Variants in TCAIM observed in about 807,000 individuals in gnomAD.
TCAIM encodes T-cell activation inhibitor, mitochondrial.
TCAIM carries 36 observed loss-of-function variants against 58.6 expected under a neutral mutation model. That is an observed-to-expected ratio of 0.61 (90% CI 0.47 to 0.81). TCAIM has a LOEUF of 0.81. Ranked by LOEUF, TCAIM falls within the 30% of genes least tolerant of loss-of-function variation. TCAIM has a pLI of 0.00. For missense variants in TCAIM, 466 were observed against 579.6 expected (o/e 0.80, Z 2.01); for synonymous variants, 172 against 193.6 (o/e 0.89, Z 0.93).
intron 5 of TCAIM, among the ~76,000 whole-genome samples, chr3:44,371,917 AT>A (rs368832670): frequency 2.6e-5 from 4 of 151,780 alleles, no homozygotes; most frequent in Non-Finnish European, 5.9e-5. Flanking sequence ...TCTTACACGG[AT>A]TTTTTTTCAA....
Position 44,396,310 on chromosome 3 carries a change from G to T in TCAIM, c.696-90G>T, listed in dbSNP as rs1179316313. On this transcript the variant is annotated intron_variant, in intron 6 of 10. Coordinates refer to ENST00000342649, the MANE Select transcript of TCAIM (RefSeq NM_173826.4). ...GTGTGCTTCAAAAAGAGACTCATTG[G>T]CTTTCCAAGGACTCCAGTAGTTGTG... 4 of 1,024,724 alleles carry T rather than the reference G, an allele frequency of 3.9e-6. No individual in the cohort carries two copies. In the South Asian group the frequency reaches 4.8e-5, roughly 12 times the overall value. 63.5% of individuals were successfully genotyped at this position (1,024,724 alleles called of 1,614,324 possible). A position where few individuals can be genotyped will look rare whatever the true frequency, so the allele number is the denominator to read the frequency against.
intron 5 of TCAIM, among the ~76,000 whole-genome samples, chr3:44,379,312 G>T (rs1309821382): frequency 2.0e-5 from 3 of 152,164 alleles, no homozygotes; most frequent in Non-Finnish European, 4.4e-5. Flanking sequence ...AAGTAGTGTG[G>T]CAATTCCTCA....
At chr3:44,386,641 C>T (rs78607461) in intron 5 of TCAIM, among the ~76,000 whole-genome samples, 3,112 of 152,358 alleles carry the variant, frequency 0.02, 62 homozygotes, top group South Asian at 0.059. Flanking sequence ...AAGTGCAGAG[C>T]AAATTTGTGG....
intron 1 of TCAIM, chr3:44,340,928 T>G (rs1045199443): frequency 1.3e-5 from 2 of 152,194 alleles, no homozygotes; most frequent in African/African-American, 4.8e-5. Flanking sequence ...CAGAGCCCAT[T>G]CTTGAAGAGC....
chr3:44,360,523 A>G (rs1701278990), intron 3 of TCAIM, among the ~76,000 whole-genome samples: 2 of 152,050 alleles, frequency 1.3e-5, no homozygotes, highest in South Asian at 4.1e-4. Context: ...AACTAAATAC[A>G]AAGTTTAATG....
At chr3:44,385,224 A>C (rs1701719999) in intron 5 of TCAIM, among the ~76,000 whole-genome samples, 1 of 152,214 alleles carries the variant, frequency 6.6e-6, no homozygotes, top group Admixed American at 6.5e-5. Context: ...GTAGAAAATA[A>C]ATTACAAGGA....
chr3:44,351,236 C>G (rs902727611), intron 1 of TCAIM, among the ~76,000 whole-genome samples: 9 of 151,654 alleles, frequency 5.9e-5, no homozygotes, highest in African/African-American at 2.2e-4. Flanking sequence ...TGATCCACCT[C>G]CCTCGGCCTC....
chr3:44,367,919 G>T, intron 5 of TCAIM: 1 of 462,638 alleles, frequency 2.2e-6, no homozygotes, highest in Non-Finnish European at 3.7e-6. Flanking sequence ...ACTTAAAGCT[G>T]CCAAAATACT....
At chr3:44,379,457 A>G (rs186723869) in intron 5 of TCAIM, among the ~76,000 whole-genome samples, 7 of 152,284 alleles carry the variant, frequency 4.6e-5, no homozygotes, top group African/African-American at 1.7e-4. Flanking sequence ...TAGCAAAAAC[A>G]TGGAATCAAC....
chr3:44,384,606 T>C (rs1236004938), intron 5 of TCAIM, among the ~76,000 whole-genome samples: 1 of 152,230 alleles, frequency 6.6e-6, no homozygotes, highest in Non-Finnish European at 1.5e-5. Context: ...AGAAAGATTT[T>C]CAAGTAAATC....
intron 1 of TCAIM, among the ~76,000 whole-genome samples, chr3:44,353,960 A>G (rs763238955): frequency 2.0e-5 from 3 of 152,206 alleles, no homozygotes; most frequent in Non-Finnish European, 4.4e-5. Flanking sequence ...TAAGCTGGAT[A>G]GTGCCTTTGT....
intron 1 of TCAIM, chr3:44,340,898 C>T (rs1487832158): frequency 6.6e-6 from 1 of 152,174 alleles, no homozygotes; most frequent in Admixed American, 6.5e-5. Flanking sequence ...AAACTGGATC[C>T]TCATCTGTCA....
At chr3:44,383,241 A>G (rs1395307286) in intron 5 of TCAIM, among the ~76,000 whole-genome samples, 2 of 152,316 alleles carry the variant, frequency 1.3e-5, no homozygotes, top group East Asian at 1.9e-4. Context: ...TCAAATAGAT[A>G]TTTGTATACC....
chr3:44,350,112 G>A (rs1701056796), intron 1 of TCAIM, among the ~76,000 whole-genome samples: 1 of 152,190 alleles, frequency 6.6e-6, no homozygotes, highest in Non-Finnish European at 1.5e-5. Context: ...CAGGCAGGCT[G>A]AGTCCGAAAA....
rs979269336 is a variant in TCAIM at position 44,344,113 on chromosome 3, C to T, written c.-45+5279C>T. On this transcript the variant is annotated intron_variant, in intron 1 of 10. Transcript: ENST00000342649. ...CTCAGCTCACTGCAAACTCCACCTC[C>T]CAGGCTCAAGGCCTCAGCCTCCCAA... Among the ~76,000 whole-genome samples the T allele has an allele frequency of 2.0e-5, 3 of 151,630 alleles. No homozygotes were observed. In the South Asian group the frequency reaches 6.3e-4, roughly 32 times the overall value.
intron 1 of TCAIM, among the ~76,000 whole-genome samples, chr3:44,346,609 G>A (rs116398726): frequency 0.012 from 1,789 of 152,290 alleles, 28 homozygotes; most frequent in African/African-American, 0.041. Flanking sequence ...GAAAGGAAAT[G>A]AGAGATTCTA....
In TCAIM at chr3:44,401,221, C is replaced by T; in HGVS notation, c.1137C>T (p.Ser379=). Reference sequence around the variant, plus strand: ...ATTGCAGTGACAGATATGCTCCAAGCTTGCATGAACTCGGGCATTTTAATA... The same window carrying T: ...ATTGCAGTGACAGATATGCTCCAAGTTTGCATGAACTCGGGCATTTTAATA... The part of the protein sequence containing the change: ...MILNSDRYAP[S]LHELGHFNIP... Residue 379 remains serine, a synonymous_variant, in exon 10 of 11, where the codon AGC becomes AGT. Coordinates refer to ENST00000342649, the MANE Select transcript of TCAIM (RefSeq NM_173826.4). 6.2e-7 allele frequency: 1 copy of T among 1,613,992 alleles called. No individual in the cohort carries two copies. Among genetic ancestry groups the T allele is most frequent in the Non-Finnish European group, 8.5e-7 (1 of 1,179,952 alleles).
At chr3:44,372,788 G>T (rs533143307) in intron 5 of TCAIM, among the ~76,000 whole-genome samples, 1 of 152,022 alleles carries the variant, frequency 6.6e-6, no homozygotes, top group African/African-American at 2.4e-5. Context: ...TAGAGATGGG[G>T]TTTCGCCGTG....
intron 6 of TCAIM, among the ~76,000 whole-genome samples, chr3:44,393,208 A>G (rs1051827013): frequency 2.0e-5 from 3 of 152,172 alleles, no homozygotes; most frequent in Non-Finnish European, 4.4e-5. Context: ...CTGTAATCCC[A>G]GCACTTTGGG....
Sources: allele counts gnomAD v4.1 joint callset (sites outside exome capture counted in the v4.1 genomes callset), GRCh38; gene constraint gnomAD v4.1.1; transcripts MANE v1.5; gene names NCBI Gene and HGNC (gene_info 2026-07-23, HGNC 2026-07-21).